PHKB: variants seen among roughly 807,000 people sequenced by gnomAD.
PHKB encodes the protein phosphorylase kinase regulatory subunit beta, also known as phosphorylase b kinase regulatory subunit beta.
In PHKB, 122 loss-of-function variants were observed where a neutral mutation model predicts 152.1. That is an observed-to-expected ratio of 0.80 (90% CI 0.69 to 0.93). The LOEUF (loss-of-function observed/expected upper bound fraction) is 0.93, where lower values mean the gene tolerates loss of function less well. Ranked by LOEUF, PHKB falls within the 40% of genes least tolerant of loss-of-function variation. PHKB has a pLI of 0.00. For synonymous variants in PHKB, 436 were observed against 464.9 expected, an observed-to-expected ratio of 0.94 and a Z score of 0.80; for missense variants, 1,304 against 1,328.4, an observed-to-expected ratio of 0.98 and a Z score of 0.29.
intron 6 of PHKB, among the ~76,000 whole-genome samples, chr16:47,540,251 T>TC (rs1971029711): frequency 3.6e-5 from 4 of 111,746 alleles, no homozygotes; most frequent in Non-Finnish European, 5.5e-5. Flanking sequence ...AAAACCTCCC[T>TC]CCCCCCTCCC....
intron 25 of PHKB, among the ~76,000 whole-genome samples, chr16:47,668,462 AG>A (rs1387022372): frequency 2.0e-5 from 3 of 152,212 alleles, no homozygotes; most frequent in Non-Finnish European, 4.4e-5. Flanking sequence ...AGAGATGGAA[AG>A]GGGTATTCAG....
chr16:47,551,658 T>C (rs1319419616), intron 7 of PHKB, among the ~76,000 whole-genome samples: 1 of 152,202 alleles, frequency 6.6e-6, no homozygotes, highest in East Asian at 1.9e-4. Flanking sequence ...TTAGAATAAG[T>C]GCGATGTGGT....
At chr16:47,615,095 GTT>G (rs1262703412) in intron 14 of PHKB, among the ~76,000 whole-genome samples, 1 of 152,172 alleles carries the variant, frequency 6.6e-6, no homozygotes, top group Non-Finnish European at 1.5e-5. Context: ...TTCCCTGTCA[GTT>G]CAAATTTGTT....
chr16:47,613,333 T>C (rs73551233), intron 14 of PHKB, among the ~76,000 whole-genome samples: 17,883 of 152,208 alleles, frequency 0.12, 2,302 homozygotes, highest in African/African-American at 0.32. Flanking sequence ...TCTTACTTAC[T>C]GTAGTGAGGA....
intron 6 of PHKB, among the ~76,000 whole-genome samples, chr16:47,534,245 C>A (rs1970913586): frequency 6.6e-6 from 1 of 152,260 alleles, no homozygotes; most frequent in South Asian, 2.1e-4. Flanking sequence ...TAGGGTACCA[C>A]AGACAGGTTA....
rs144543334 is a variant in PHKB at position 47,554,810 on chromosome 16, C to G, written c.710+7262C>G. ...CTTGCATTTCCTGGGAGAGGCGACG[C>G]CCCACCCTGCTTCAGCTCGCTCTCT... On this transcript the variant is annotated intron_variant, in intron 7 of 30. Coordinates refer to ENST00000323584, the MANE Select transcript of PHKB (RefSeq NM_000293.3). Among the ~76,000 whole-genome samples, 1,146 of 152,284 alleles carry G rather than the reference C, an allele frequency of 7.5e-3. 19 individuals are homozygous for G. The highest frequency in any genetic ancestry group is 0.026 in the African/African-American group (1,086 of 41,556).
At chr16:47,538,621 G>A (rs1046912023) in intron 6 of PHKB, among the ~76,000 whole-genome samples, 1 of 152,232 alleles carries the variant, frequency 6.6e-6, no homozygotes, top group Admixed American at 6.5e-5. Flanking sequence ...GGATTCAGGT[G>A]CCCCAGCCAT....
At chr16:47,648,682 G>A in intron 17 of PHKB, 66 bp downstream of exon 17, 1 of 940,656 alleles carries the variant, frequency 1.1e-6, no homozygotes, top group Non-Finnish European at 1.8e-6. Flanking sequence ...AATGGTGCTT[G>A]ACCTGCTATG....
intron 20 of PHKB, among the ~76,000 whole-genome samples, chr16:47,655,242 G>C (rs1353518488): frequency 6.6e-6 from 1 of 152,052 alleles, no homozygotes; most frequent in East Asian, 1.9e-4. Flanking sequence ...TATATACTTT[G>C]GGAAAAATTA....
chr16:47,544,655 G>A (rs1971125968), intron 6 of PHKB, among the ~76,000 whole-genome samples: 1 of 152,158 alleles, frequency 6.6e-6, no homozygotes, highest in Admixed American at 6.6e-5. Flanking sequence ...TTACCCTTCT[G>A]TCTTGTTGAT....
intron 14 of PHKB, among the ~76,000 whole-genome samples, chr16:47,634,170 G>A (rs1972876043): frequency 6.6e-6 from 1 of 152,214 alleles, no homozygotes; most frequent in Non-Finnish European, 1.5e-5. Flanking sequence ...ATTTATAGAT[G>A]AGGAAACTGC....
At chr16:47,628,314 T>C (rs1315468467) in intron 14 of PHKB, among the ~76,000 whole-genome samples, 2 of 152,010 alleles carry the variant, frequency 1.3e-5, no homozygotes, top group Admixed American at 1.3e-4. Flanking sequence ...GGGTGGATCA[T>C]GAGGTCAGGA....
At chr16:47,464,106 C>A in intron 1 of PHKB, 1 of 776,272 alleles carries the variant, frequency 1.3e-6, no homozygotes, top group Non-Finnish European at 2.3e-6. Context: ...TTGGTGGGCC[C>A]AGGCCTGAGT....
intron 22 of PHKB, among the ~76,000 whole-genome samples, chr16:47,661,322 T>G (rs1421698589): frequency 4.6e-5 from 7 of 152,144 alleles, no homozygotes. Context: ...AGCAACATGG[T>G]CTCCCATTTA....
intron 1 of PHKB, among the ~76,000 whole-genome samples, chr16:47,496,011 G>A (rs1970226276): frequency 6.6e-6 from 1 of 151,962 alleles, no homozygotes; most frequent in South Asian, 2.1e-4. Context: ...GTTACTATCT[G>A]CGTAAACATA....
intron 7 of PHKB, among the ~76,000 whole-genome samples, chr16:47,569,558 C>A (rs1393776798): frequency 1.3e-5 from 2 of 152,104 alleles, no homozygotes; most frequent in Non-Finnish European, 2.9e-5. Context: ...TTGATTGTTA[C>A]CTAGTTGCTT....
At chr16:47,685,745 C>CTT (rs543342166) in intron 26 of PHKB, among the ~76,000 whole-genome samples, 4 of 139,592 alleles carry the variant, frequency 2.9e-5, no homozygotes, top group East Asian at 2.1e-4. Flanking sequence ...TTTTCTTTTT[C>CTT]TTTTTTTTTT....
chr16:47,644,003 G>C (rs905496110), intron 16 of PHKB, among the ~76,000 whole-genome samples: 2 of 152,150 alleles, frequency 1.3e-5, no homozygotes, highest in Non-Finnish European at 2.9e-5. Context: ...CATGGGGGCA[G>C]TGTTATATGC....
At chr16:47,540,270 T>C (rs1486935573) in intron 6 of PHKB, among the ~76,000 whole-genome samples, 1 of 129,680 alleles carries the variant, frequency 7.7e-6, no homozygotes, top group East Asian at 2.8e-4. Flanking sequence ...CCCGGTAAAT[T>C]TGAGGTCAGA....
Sources: allele counts gnomAD v4.1 joint callset (sites outside exome capture counted in the v4.1 genomes callset), GRCh38; gene constraint gnomAD v4.1.1; transcripts MANE v1.5; gene names NCBI Gene and HGNC (gene_info 2026-07-23, HGNC 2026-07-21).